The following NALF1 variants were observed in gnomAD, a reference collection of about 807,000 sequenced individuals.
NALF1 encodes family with sequence similarity 155 member A.
NALF1 carries 3 observed loss-of-function variants against 48.4 expected under a neutral mutation model. That is an observed-to-expected ratio of 0.06 (90% confidence interval 0.03 to 0.16). The LOEUF (loss-of-function observed/expected upper bound fraction) is 0.16. Ranked by LOEUF, NALF1 falls within the 10% of genes least tolerant of loss-of-function variation. The probability of loss-of-function intolerance (pLI) is 1.00; values close to 1 mark genes in which losing one functional copy is unlikely to be tolerated. For missense variants in NALF1, 526 were observed against 571.5 expected (o/e 0.92, Z 0.81); for synonymous variants, 262 against 245.7 (o/e 1.07, Z -0.62).
chr13:107,725,915 T>C (rs1876136193), intron 1 of NALF1, among the ~76,000 whole-genome samples: 1 of 152,186 alleles, frequency 6.6e-6, no homozygotes, highest in African/African-American at 2.4e-5. Flanking sequence ...CCCATTCAGC[T>C]GGGTGTTTCT....
chr13:107,443,179 T>A (rs1023093634), intron 1 of NALF1, among the ~76,000 whole-genome samples: 1 of 139,366 alleles, frequency 7.2e-6, no homozygotes, highest in Non-Finnish European at 1.5e-5. Context: ...AATCTATCTA[T>A]CTATCTATCT....
intron 1 of NALF1, among the ~76,000 whole-genome samples, chr13:107,510,722 C>T (rs1034803652): frequency 3.9e-5 from 6 of 152,154 alleles, no homozygotes; most frequent in Non-Finnish European, 8.8e-5. Flanking sequence ...ACAGCAACGC[C>T]AGACAAGGAC....
chr13:107,382,412 T>C (rs1883456948), intron 1 of NALF1, among the ~76,000 whole-genome samples: 1 of 152,256 alleles, frequency 6.6e-6, no homozygotes, highest in Non-Finnish European at 1.5e-5. Flanking sequence ...TGAGTTTTAC[T>C]TCTTAATTTT....
chr13:107,471,763 TATAAG>T (rs1885104671), intron 1 of NALF1, among the ~76,000 whole-genome samples: 2 of 152,162 alleles, frequency 1.3e-5, no homozygotes, highest in South Asian at 2.1e-4. Context: ...AAAATGAAAA[TATAAG>T]ATAAGTACCC....
intron 1 of NALF1, among the ~76,000 whole-genome samples, chr13:107,593,907 A>G (rs906615673): frequency 2.6e-5 from 4 of 151,990 alleles, no homozygotes; most frequent in African/African-American, 9.7e-5. Context: ...AATATATTTA[A>G]TCTTCCTAAC....
intron 1 of NALF1, among the ~76,000 whole-genome samples, chr13:107,476,484 G>GT (rs1235276010): frequency 1.3e-5 from 2 of 151,974 alleles, no homozygotes; most frequent in Non-Finnish European, 1.5e-5. Context: ...TTTAAAAACA[G>GT]TTGTATTATT....
chr13:107,247,627 A>G (rs1244550015), intron 1 of NALF1, among the ~76,000 whole-genome samples: 1 of 152,242 alleles, frequency 6.6e-6, no homozygotes, highest in Admixed American at 6.5e-5. Context: ...TATACTTGAA[A>G]GAGCTTTCTA....
chr13:107,628,432 C>A (rs1879743349), intron 1 of NALF1, among the ~76,000 whole-genome samples: 1 of 152,064 alleles, frequency 6.6e-6, no homozygotes, highest in Non-Finnish European at 1.5e-5. Flanking sequence ...AAGGAGAATG[C>A]CAAGTGATAC....
chr13:107,601,901 C>CCCTT (rs1353988732), intron 1 of NALF1, among the ~76,000 whole-genome samples: 1 of 151,986 alleles, frequency 6.6e-6, no homozygotes, highest in Non-Finnish European at 1.5e-5. Context: ...GAGGCTCCCT[C>CCCTT]CCTTCCTTCC....
chr13:107,650,393 T>TAAA (rs1209625083), intron 1 of NALF1, among the ~76,000 whole-genome samples: 8 of 15,192 alleles, frequency 5.3e-4, no homozygotes, highest in Middle Eastern at 0.022. Flanking sequence ...TCTGCAACCA[T>TAAA]TAAAAAAAAA....
At chr13:107,846,433 C>T (rs183868932) in intron 1 of NALF1, among the ~76,000 whole-genome samples, 1 of 152,158 alleles carries the variant, frequency 6.6e-6, no homozygotes, top group East Asian at 1.9e-4. Flanking sequence ...AGGGAAACTT[C>T]GTCTATCCTG....
intron 1 of NALF1, among the ~76,000 whole-genome samples, chr13:107,823,051 C>T (rs1879404482): frequency 6.6e-6 from 1 of 152,146 alleles, no homozygotes; most frequent in Non-Finnish European, 1.5e-5. Flanking sequence ...CACGGCTGAC[C>T]ATGGGAAATG....
rs148991368 is a variant in NALF1, at chr13:107,382,781, T to C, written c.916-172026A>G. ...CTTAACCAATGGACACTATGAGTGG[T>C]GTTGTCTGATGTTCAGTTCAATCTT... On this transcript the variant is annotated intron_variant, in intron 1 of 2. Coordinates refer to ENST00000375915, the MANE Select transcript of NALF1 (RefSeq NM_001080396.3). Among the ~76,000 whole-genome samples the C allele has an allele frequency of 4.4e-3, 671 of 152,350 alleles. 3 individuals carry two copies. Among genetic ancestry groups the C allele is most frequent in the African/African-American group, 0.015 (643 of 41,584 alleles).
chr13:107,626,340 T>C (rs533670492), intron 1 of NALF1, among the ~76,000 whole-genome samples: 1 of 152,174 alleles, frequency 6.6e-6, no homozygotes, highest in East Asian at 1.9e-4. Flanking sequence ...ACAGCCACTA[T>C]ACAGAACAGT....
At chr13:107,254,059 T>C (rs1880758187) in intron 1 of NALF1, among the ~76,000 whole-genome samples, 1 of 127,136 alleles carries the variant, frequency 7.9e-6, no homozygotes, top group East Asian at 2.1e-4. Flanking sequence ...GAGCAAGTAC[T>C]AAAATATATA....
intron 1 of NALF1, among the ~76,000 whole-genome samples, chr13:107,536,370 A>G (rs1228698007): frequency 6.6e-6 from 1 of 152,220 alleles, no homozygotes; most frequent in African/African-American, 2.4e-5. Flanking sequence ...ATGAACTCAA[A>G]CAAATTTACA....
rs1881548640 is a variant in NALF1, at chr13:107,288,511, C to T, written c.916-77756G>A. Among the ~76,000 whole-genome samples, 5 of 149,810 alleles carry T rather than the reference C, an allele frequency of 3.3e-5. No homozygotes were observed. In the South Asian group the frequency reaches 8.6e-4, roughly 26 times the overall value. On this transcript the variant is annotated intron_variant, in intron 1 of 2. Coordinates refer to ENST00000375915, the MANE Select transcript of NALF1 (RefSeq NM_001080396.3). ...CTGGGATTACAGGCGTGAGCCACCG[C>T]GCCCAGCCTGAAAACTTTTTTTTTT...
At chr13:107,859,028 G>C (rs1008241155) in intron 1 of NALF1, among the ~76,000 whole-genome samples, 1 of 152,096 alleles carries the variant, frequency 6.6e-6, no homozygotes, top group Non-Finnish European at 1.5e-5. Context: ...TTTTTTGATG[G>C]AGGTGAAGGT....
At chr13:107,503,429 T>C (rs1246696849) in intron 1 of NALF1, among the ~76,000 whole-genome samples, 3 of 152,112 alleles carry the variant, frequency 2.0e-5, no homozygotes, top group Non-Finnish European at 2.9e-5. Context: ...AAAATGGCTC[T>C]TATAAAAAAT....
Sources: allele counts gnomAD v4.1 joint callset (sites outside exome capture counted in the v4.1 genomes callset), GRCh38; gene constraint gnomAD v4.1.1; transcripts MANE v1.5; gene names NCBI Gene and HGNC (gene_info 2026-07-23, HGNC 2026-07-21).